The following UHRF1 variants were observed in gnomAD, a reference collection of about 807,000 sequenced individuals.
UHRF1 encodes E3 ubiquitin-protein ligase UHRF1.
In UHRF1, 9 loss-of-function variants were observed where a neutral mutation model predicts 96.5. The observed-to-expected ratio is 0.09, with a 90% CI of 0.06 to 0.16. The LOEUF is 0.16. Among genes scored for constraint, UHRF1 ranks in the 10% least tolerant of loss-of-function variants. The probability of loss-of-function intolerance (pLI) is 1.00; values close to 1 mark genes in which losing one functional copy is unlikely to be tolerated. For missense variants in UHRF1, 626 were observed against 1,131.1 expected, an observed-to-expected ratio of 0.55 and a Z score of 6.40; for synonymous variants, 455 against 469.9, an observed-to-expected ratio of 0.97 and a Z score of 0.41.
chr19:4,948,423 G>A (rs574161946), intron 11 of UHRF1, among the ~76,000 whole-genome samples: 1 of 152,110 alleles, frequency 6.6e-6, no homozygotes, highest in Non-Finnish European at 1.5e-5. Flanking sequence ...AAATTAAAAG[G>A]CAGATGACTA....
At chr19:4,937,709 A>G (rs891902580) in intron 5 of UHRF1, among the ~76,000 whole-genome samples, 2 of 152,138 alleles carry the variant, frequency 1.3e-5, no homozygotes, top group African/African-American at 2.4e-5. Flanking sequence ...AGTGGTCTGC[A>G]ATTCTCTTGT....
intron 2 of UHRF1, among the ~76,000 whole-genome samples, chr19:4,919,241 G>A (rs760756563): frequency 2.6e-5 from 4 of 151,504 alleles, no homozygotes; most frequent in East Asian, 1.9e-4. Context: ...TGATCCTCCC[G>A]TCTTGGCCTC....
intron 7 of UHRF1, among the ~76,000 whole-genome samples, chr19:4,942,848 G>A (rs1357517518): frequency 1.1e-4 from 16 of 152,142 alleles, no homozygotes; most frequent in Non-Finnish European, 2.9e-5. Flanking sequence ...TAAGAGGATC[G>A]GATCGCTGGA....
At chr19:4,932,989 C>T in intron 5 of UHRF1, 33 bp downstream of exon 5, 1 of 1,556,188 alleles carries the variant, frequency 6.4e-7, no homozygotes, top group Non-Finnish European at 8.7e-7. Flanking sequence ...AGCCCTTCCT[C>T]TCTCCTTTCC....
At chr19:4,920,902 G>T (rs2032680222) in intron 2 of UHRF1, among the ~76,000 whole-genome samples, 2 of 152,160 alleles carry the variant, frequency 1.3e-5, no homozygotes, top group South Asian at 2.1e-4. Context: ...AAGGCGGGTG[G>T]ATCACGAGGT....
intron 3 of UHRF1, among the ~76,000 whole-genome samples, 164 bp downstream of exon 3, chr19:4,929,640 T>G (rs1252556416): frequency 6.6e-6 from 1 of 151,898 alleles, no homozygotes; most frequent in Non-Finnish European, 1.5e-5. Context: ...GAGGGGAACA[T>G]GGTACCCTGG....
upstream of UHRF1, among the ~76,000 whole-genome samples, chr19:4,904,767 TAA>T (rs937141575): frequency 3.9e-5 from 6 of 152,194 alleles, no homozygotes; most frequent in African/African-American, 1.4e-4. Context: ...GTGGAATCAA[TAA>T]AAGTTTGTTG....
intron 11 of UHRF1, among the ~76,000 whole-genome samples, chr19:4,949,034 C>G (rs1042165016): frequency 1.4e-5 from 2 of 145,664 alleles, no homozygotes; most frequent in African/African-American, 5.1e-5. Context: ...ACTCGGGAGG[C>G]TGAGGCAGGA....
intron 16 of UHRF1, among the ~76,000 whole-genome samples, chr19:4,958,384 C>T (rs1424737802): frequency 6.6e-6 from 1 of 152,176 alleles, no homozygotes; most frequent in East Asian, 1.9e-4. Context: ...TAGCCTCTGG[C>T]AGGAAGGAGG....
At chr19:4,949,919 G>A (rs1464744667) in intron 11 of UHRF1, among the ~76,000 whole-genome samples, 3 of 152,018 alleles carry the variant, frequency 2.0e-5, no homozygotes, top group Non-Finnish European at 4.4e-5. Context: ...GTCCAGGGTG[G>A]AGTGCAGCAG....
chr19:4,957,449 C>T (rs1242581285), intron 16 of UHRF1, among the ~76,000 whole-genome samples: 2 of 151,990 alleles, frequency 1.3e-5, no homozygotes, highest in African/African-American at 2.4e-5. Context: ...GCTGGGACTA[C>T]AGGCGCCCGC....
chr19:4,909,376 G>GC, upstream of UHRF1: 1 of 609,516 alleles, frequency 1.6e-6, no homozygotes, highest in Admixed American at 2.7e-5. Flanking sequence ...AGGCGGGGGC[G>GC]CCCCCCACCC....
chr19:4,941,985 C>T (rs563189244), intron 7 of UHRF1, 54 bp downstream of exon 7: 2 of 1,427,634 alleles, frequency 1.4e-6, no homozygotes, highest in East Asian at 2.6e-5. Context: ...TACAAATCCC[C>T]AGAGGGGCAC....
chr19:4,907,704 CTTTTTTTTTTT>C (rs59867968), upstream of UHRF1, among the ~76,000 whole-genome samples: 1 of 47,672 alleles, frequency 2.1e-5, no homozygotes, highest in African/African-American at 1.0e-4. Context: ...TTGGCCTGAT[CTTTTTTTTTTT>C]TTTTTTTTTT....
At chr19:4,953,677 G>T (rs1568183245) in intron 13 of UHRF1, among the ~76,000 whole-genome samples, 1 of 152,020 alleles carries the variant, frequency 6.6e-6, no homozygotes, top group Non-Finnish European at 1.5e-5. Flanking sequence ...TGTTGCCCAG[G>T]CTGGTCTCAA....
rs369946085 is a variant in UHRF1, at chr19:4,910,864, C to T, written c.-10-12C>T. ...TAAAACTGATGGGGGTTTTTGCTGT[C>T]CCTCCCCTCAGCGCCGACACCATGT... On this transcript the variant is annotated splice_polypyrimidine_tract_variant and intron_variant, in intron 1 of 16. Transcript: ENST00000650932. 1.1e-4 allele frequency: 174 copies of T among 1,592,720 alleles called. 1 individual carries two copies. The African/African-American group carries it at 2.0e-3, about 18-fold the overall frequency.
intron 2 of UHRF1, among the ~76,000 whole-genome samples, chr19:4,926,814 C>T (rs973895848): frequency 1.4e-4 from 22 of 152,110 alleles, no homozygotes; most frequent in African/African-American, 1.9e-4. Context: ...CCTGTAATCC[C>T]GGCACTTTGG....
intron 2 of UHRF1, among the ~76,000 whole-genome samples, chr19:4,917,422 G>A (rs2032557341): frequency 6.6e-6 from 1 of 151,806 alleles, no homozygotes; most frequent in Non-Finnish European, 1.5e-5. Context: ...TTGGGAGGCT[G>A]AGGCAGGCGG....
intron 11 of UHRF1, 50 bp from the exon 12 acceptor site, chr19:4,950,561 G>C (rs752264987): frequency 6.4e-7 from 1 of 1,563,092 alleles, no homozygotes. Flanking sequence ...TTCCTTTTTT[G>C]GGGGGTACAT....
Sources: gnomAD v4.1 joint callset for allele counts (sites outside exome capture counted in the v4.1 genomes callset) on GRCh38, gnomAD v4.1.1 for gene constraint, MANE v1.5 for transcripts, NCBI Gene and HGNC (gene_info 2026-07-23, HGNC 2026-07-21) for gene names.